DAPK2: variants seen among roughly 807,000 people sequenced by gnomAD.
DAPK2 encodes death-associated protein kinase 2.
DAPK2 carries 35 observed loss-of-function variants against 44.1 expected under a neutral mutation model. The ratio of observed to expected loss-of-function variants is 0.79; its 90% CI spans 0.61 to 1.05. The LOEUF is 1.05. Among genes scored for constraint, DAPK2 ranks in the 50% least tolerant of loss-of-function variants. The pLI is 0.00. For missense variants in DAPK2, 453 were observed against 483.2 expected, an observed-to-expected ratio of 0.94 and a Z score of 0.59; for synonymous variants, 174 against 182.6, an observed-to-expected ratio of 0.95 and a Z score of 0.38.
intron 3 of DAPK2, among the ~76,000 whole-genome samples, chr15:63,944,078 C>G (rs992548422): frequency 6.6e-6 from 1 of 152,094 alleles, no homozygotes; most frequent in Non-Finnish European, 1.5e-5. Context: ...GCCTCAGGAG[C>G]TCCTGAGCAG....
chr15:63,908,608 A>C lies in DAPK2; in HGVS notation c.1033-8T>G. ...GTCACTCTCACAGTTCCTCTGGAGA[A>C]AAAAAAGAGAAAGAGGTCCAGGGCA... On this transcript the variant is annotated splice_polypyrimidine_tract_variant and splice_region_variant and intron_variant, in intron 10 of 10. Transcript: ENST00000261891. The surrounding 1 kb of genome is among the most constrained non-coding windows in gnomAD (Gnocchi z 5.7). The C allele has an allele frequency of 9.5e-6, 15 of 1,587,120 alleles. No homozygotes were observed. Among genetic ancestry groups the C allele is most frequent in the Non-Finnish European group, 1.3e-5 (15 of 1,168,988 alleles).
intron 1 of DAPK2, among the ~76,000 whole-genome samples, chr15:64,015,248 C>A (rs1015012195): frequency 2.0e-5 from 3 of 152,202 alleles, no homozygotes; most frequent in African/African-American, 7.2e-5. Flanking sequence ...CCACACAGGA[C>A]AACGACAGCA....
chr15:63,923,133 G>A lies in DAPK2; in HGVS notation c.858+1683C>T, dbSNP rs925911928. The A allele has an allele frequency of 3.3e-6, 5 of 1,535,844 alleles. No individual in the cohort carries two copies. Among genetic ancestry groups the A allele is most frequent in the African/African-American group, 1.4e-5 (1 of 73,118 alleles). On this transcript the variant is annotated intron_variant, in intron 8 of 10. Transcript: ENST00000261891. The surrounding 1 kb of genome is among the most constrained non-coding windows in gnomAD (Gnocchi z 4.2). ...GAGACCAGGGCCTCCACATCGTCCT[G>A]GATGGTATCGTGGGCCTCCACCAGG...
chr15:63,937,340 G>A (rs1158623143), intron 4 of DAPK2, among the ~76,000 whole-genome samples: 1 of 152,138 alleles, frequency 6.6e-6, no homozygotes, highest in Non-Finnish European at 1.5e-5. Context: ...CTATAAATTA[G>A]GGAATTTTTT....
At position 63,966,955 on chromosome 15, in the gene DAPK2, C is replaced by A. The variant is rs550314230; in HGVS notation, c.453+4468G>T. Reference sequence around the variant, plus strand: ...CAGCACTTTGGGAGGCCGAGGTGGGCGGATCACGAGTCAGGAGATGGAGAC... The same window carrying A: ...CAGCACTTTGGGAGGCCGAGGTGGGAGGATCACGAGTCAGGAGATGGAGAC... On this transcript the variant is annotated intron_variant, in intron 3 of 10. Coordinates refer to ENST00000261891, the Ensembl canonical transcript of DAPK2. This position sits in a 1 kb window ranked among gnomAD's most constrained non-coding sequence, Gnocchi z 5.5. 1.3e-5 allele frequency among the ~76,000 whole-genome samples: 2 copies of A among 151,834 alleles called. No homozygotes were observed. The highest frequency in any genetic ancestry group is 2.9e-5 in the Non-Finnish European group (2 of 67,944).
intron 3 of DAPK2, among the ~76,000 whole-genome samples, chr15:63,967,128 C>T (rs1188739441): frequency 2.0e-5 from 3 of 151,786 alleles, no homozygotes; most frequent in East Asian, 1.9e-4. Context: ...TGCAGTGAGC[C>T]GAGATTGCAC....
chr15:63,962,573 A>C (rs1303973554), intron 3 of DAPK2, among the ~76,000 whole-genome samples: 2 of 152,354 alleles, frequency 1.3e-5, no homozygotes, highest in East Asian at 3.9e-4. Flanking sequence ...TCTAACAATC[A>C]GGACCTTCAG....
At chr15:64,016,581 G>A (rs548682793) in intron 1 of DAPK2, among the ~76,000 whole-genome samples, 2 of 152,272 alleles carry the variant, frequency 1.3e-5, no homozygotes, top group Non-Finnish European at 2.9e-5. Context: ...ACTGATTCAG[G>A]CCAGGAGTTC....
intron 1 of DAPK2, among the ~76,000 whole-genome samples, chr15:64,036,307 G>GTATATATATATA (rs1233918566): frequency 7.7e-4 from 41 of 53,148 alleles, no homozygotes; most frequent in East Asian, 1.5e-3. Context: ...GTGTGTGTGT[G>GTATATATATATA]TGTATATATA....
At chr15:63,925,226 C>T (rs1026741496) in intron 7 of DAPK2, among the ~76,000 whole-genome samples, 2 of 152,206 alleles carry the variant, frequency 1.3e-5, no homozygotes, top group Non-Finnish European at 2.9e-5. Context: ...TGGATCCGTT[C>T]TCTGCCTTTC....
At chr15:63,988,434 G>T (rs1439336399) in intron 1 of DAPK2, among the ~76,000 whole-genome samples, 1 of 151,874 alleles carries the variant, frequency 6.6e-6, no homozygotes, top group African/African-American at 2.4e-5. Flanking sequence ...AACAGGGCAT[G>T]AACCAAATGT....
rs889768927 is a variant in DAPK2, at chr15:63,917,144, C to A, written c.859-4947G>T. On this transcript the variant is annotated intron_variant, in intron 8 of 10. Transcript: ENST00000261891. This position sits in a 1 kb window ranked among gnomAD's most constrained non-coding sequence, Gnocchi z 4.4. ...TCGGGAGGCCGAGGCAGGCAGATCA[C>A]CTGAGGTCAGGAGTTCAAGACTAGC... 6.6e-6 allele frequency: 1 copy of A among 152,268 alleles called. No homozygotes were observed. Among genetic ancestry groups the A allele is most frequent in the Non-Finnish European group, 1.5e-5 (1 of 68,084 alleles). 9.4% of individuals were successfully genotyped at this position (152,268 alleles called of 1,614,324 possible).
At chr15:64,036,301 G>A (rs542317350) in intron 1 of DAPK2, among the ~76,000 whole-genome samples, 1,837 of 43,182 alleles carry the variant, frequency 0.043, 62 homozygotes, top group Non-Finnish European at 0.099. Context: ...GTGTGTGTGT[G>A]TGTGTGTGTA....
In DAPK2 at chr15:64,021,416, T is replaced by C. The variant is rs147297339; in HGVS notation, c.92+18754A>G. On this transcript the variant is annotated intron_variant, in intron 1 of 10. Transcript: ENST00000261891. ...GAAGCTCATGTGAACAGGGCCTTGA[T>C]GAAATTGTTGCTGCTGAATTTCTAC... Among the ~76,000 whole-genome samples the C allele has an allele frequency of 6.1e-3, 930 of 152,284 alleles. 19 individuals carry two copies. The highest frequency in any genetic ancestry group is 0.022 in the African/African-American group (901 of 41,552).
At chr15:63,949,492 G>A (rs11071780) in intron 3 of DAPK2, among the ~76,000 whole-genome samples, 74,363 of 151,946 alleles carry the variant, frequency 0.49, 19,424 homozygotes, top group East Asian at 0.97. Context: ...AACGGGTGAG[G>A]CTGGGATGGA....
At position 63,923,431 on chromosome 15, in the gene DAPK2, G is replaced by T. The variant is rs1234581157; in HGVS notation, c.858+1385C>A. 6.8e-7 allele frequency: 1 copy of T among 1,473,546 alleles called. No homozygotes were observed. The highest frequency in any genetic ancestry group is 1.4e-5 in the African/African-American group (1 of 71,202). The allele number at this position is 1,473,546 out of a possible 1,614,324, so 91.3% of individuals were successfully genotyped here. A position where few individuals can be genotyped will look rare whatever the true frequency, so the allele number is the denominator to read the frequency against. ...CAAAGGGTAGGCAGAAGGCACACAA[G>T]CGGCCTCTGGCATTCACTGCATGCG... is the stretch of plus-strand genomic sequence containing the variant. On this transcript the variant is annotated intron_variant, in intron 8 of 10. Transcript: ENST00000261891. This position sits in a 1 kb window ranked among gnomAD's most constrained non-coding sequence, Gnocchi z 4.2.
chr15:64,033,647 G>A (rs1399796695), intron 1 of DAPK2, among the ~76,000 whole-genome samples: 3 of 152,010 alleles, frequency 2.0e-5, no homozygotes, highest in Non-Finnish European at 2.9e-5. Context: ...AGTGGCTCAC[G>A]CCTGTAATCC....
At chr15:63,929,198 CAAAAA>C (rs10568768) in intron 6 of DAPK2, among the ~76,000 whole-genome samples, 1 of 130,904 alleles carries the variant, frequency 7.6e-6, no homozygotes, top group Non-Finnish European at 1.7e-5. Flanking sequence ...GACTCTGTCT[CAAAAA>C]AAAAAAAAAA....
At chr15:63,965,111 A>G (rs1411053422) in intron 3 of DAPK2, among the ~76,000 whole-genome samples, 1 of 152,216 alleles carries the variant, frequency 6.6e-6, no homozygotes, top group African/African-American at 2.4e-5. Flanking sequence ...CAGATATTTG[A>G]AAGGACTTGA....
Sources: gnomAD v4.1 joint callset for allele counts (sites outside exome capture counted in the v4.1 genomes callset) on GRCh38, gnomAD v4.1.1 for gene constraint, Gnocchi (gnomAD v3.1) non-coding constraint, MANE v1.5 for transcripts, NCBI Gene and HGNC (gene_info 2026-07-23, HGNC 2026-07-21) for gene names.